DCLK1: variants seen among roughly 807,000 people sequenced by gnomAD.
The protein encoded by DCLK1 is serine/threonine-protein kinase DCLK1.
Under a neutral mutation model 86.2 loss-of-function variants are expected in DCLK1, and 16 were observed. The observed-to-expected ratio is 0.19, with a 90% CI of 0.13 to 0.28. The LOEUF is 0.28. Among genes scored for constraint, DCLK1 ranks in the 10% least tolerant of loss-of-function variants. DCLK1 has a pLI of 1.00. For synonymous variants in DCLK1, 369 were observed against 370.5 expected (o/e 1.00, Z 0.05); for missense variants, 590 against 940.2 (o/e 0.63, Z 4.87).
At chr13:36,114,737 A>T (rs1885722688) in intron 2 of DCLK1, among the ~76,000 whole-genome samples, 1 of 152,196 alleles carries the variant, frequency 6.6e-6, no homozygotes, top group Non-Finnish European at 1.5e-5. Flanking sequence ...AGTTAAATTA[A>T]AGTTGGTTGT....
intron 4 of DCLK1, among the ~76,000 whole-genome samples, chr13:35,885,149 A>G (rs1031830315): frequency 6.6e-6 from 1 of 152,168 alleles, no homozygotes; most frequent in Non-Finnish European, 1.5e-5. Context: ...TCCACCAGGA[A>G]TGAGGTATCT....
intron 4 of DCLK1, among the ~76,000 whole-genome samples, chr13:35,886,317 T>C (rs1873239865): frequency 2.0e-5 from 3 of 152,016 alleles, no homozygotes; most frequent in African/African-American, 4.8e-5. Flanking sequence ...GGCGAATAGG[T>C]TCTTAAGAAA....
At chr13:35,966,584 C>G (rs1333377187) in intron 3 of DCLK1, among the ~76,000 whole-genome samples, 3 of 146,930 alleles carry the variant, frequency 2.0e-5, no homozygotes, top group Non-Finnish European at 4.5e-5. Context: ...GCCGCCATCT[C>G]GACTCACTGC....
chr13:36,065,630 C>A (rs981293317), intron 3 of DCLK1, among the ~76,000 whole-genome samples: 1 of 152,046 alleles, frequency 6.6e-6, no homozygotes, highest in South Asian at 2.1e-4. Context: ...AGGAATTGAA[C>A]CTAACCCTGA....
intron 3 of DCLK1, among the ~76,000 whole-genome samples, chr13:36,091,374 TA>T (rs1226695198): frequency 2.6e-5 from 4 of 152,280 alleles, no homozygotes; most frequent in African/African-American, 9.6e-5. Flanking sequence ...TAAAAAAATT[TA>T]AAAAATAATA....
intron 3 of DCLK1, among the ~76,000 whole-genome samples, chr13:36,093,747 A>AT (rs1884913586): frequency 6.6e-6 from 1 of 151,994 alleles, no homozygotes; most frequent in Admixed American, 6.6e-5. Flanking sequence ...TAATTTTGAC[A>AT]TTTTTTAGTG....
intron 3 of DCLK1, among the ~76,000 whole-genome samples, chr13:36,023,869 G>A (rs952732517): frequency 1.3e-5 from 2 of 149,930 alleles, no homozygotes; most frequent in African/African-American, 4.9e-5. Context: ...ACACGATGAA[G>A]ATGTCTGCTC....
In DCLK1 at chr13:36,020,324, T is replaced by TA. The variant is rs535105317; in HGVS notation, c.724-72868dup. 2.0e-4 allele frequency among the ~76,000 whole-genome samples: 30 copies of TA among 152,270 alleles called. No homozygotes were observed. In the East Asian group the frequency reaches 3.9e-3, roughly 20 times the overall value. ...GAACACAATCCTTAGGTCATTGAGTTAAAAAAATATATGATAAAGAAGCAC... is the reference window on the plus strand; with the variant it reads ...GAACACAATCCTTAGGTCATTGAGTTAAAAAAAATATATGATAAAGAAGCAC... On this transcript the variant is annotated intron_variant, in intron 3 of 16. Coordinates refer to ENST00000360631, the MANE Select transcript of DCLK1 (RefSeq NM_001330071.2).
intron 2 of DCLK1, 106 bp downstream of exon 2, chr13:36,125,655 TA>T: frequency 6.9e-7 from 1 of 1,457,152 alleles, no homozygotes. Flanking sequence ...ATCACAGCCA[TA>T]AGGCTGAATG....
rs77186436 is a variant in DCLK1, at chr13:35,814,181, G to C, written c.1555-3213C>G. On this transcript the variant is annotated intron_variant, in intron 11 of 16. Transcript: ENST00000360631. ...TACTGAGCCAGTTACACAGGGGCAT[G>C]ACTGAGGCCATGTGAAAATATAATT... Among the ~76,000 whole-genome samples the C allele has an allele frequency of 4.0e-3, 612 of 152,246 alleles. 2 individuals are homozygous for C. The highest frequency in any genetic ancestry group is 0.014 in the African/African-American group (590 of 41,520).
intron 3 of DCLK1, among the ~76,000 whole-genome samples, chr13:36,018,648 T>C (rs1881633087): frequency 6.6e-6 from 1 of 152,206 alleles, no homozygotes. Context: ...TTTATAAGGC[T>C]ACCTATAAAG....
chr13:36,049,997 A>T (rs1883067020), intron 3 of DCLK1, among the ~76,000 whole-genome samples: 1 of 152,164 alleles, frequency 6.6e-6, no homozygotes, highest in South Asian at 2.1e-4. Context: ...CCTCCATGAC[A>T]TCCATAGCTA....
intron 16 of DCLK1, among the ~76,000 whole-genome samples, chr13:35,786,421 T>C (rs2086622215): frequency 6.6e-6 from 1 of 152,208 alleles, no homozygotes; most frequent in Admixed American, 6.5e-5. Flanking sequence ...GGATGGAGCA[T>C]GGTGTGATTC....
At chr13:35,776,547 G>A (rs1297625877) in intron 16 of DCLK1, among the ~76,000 whole-genome samples, 2 of 152,138 alleles carry the variant, frequency 1.3e-5, no homozygotes, top group East Asian at 3.9e-4. Context: ...GTCCATTGCT[G>A]ACCATCCACC....
intron 16 of DCLK1, among the ~76,000 whole-genome samples, chr13:35,779,713 A>G (rs1425036440): frequency 1.3e-5 from 2 of 152,238 alleles, no homozygotes; most frequent in Non-Finnish European, 2.9e-5. Context: ...AAATTCTCTT[A>G]TGAATTCACT....
At chr13:36,081,901 G>A (rs567660325) in intron 3 of DCLK1, among the ~76,000 whole-genome samples, 82 of 152,228 alleles carry the variant, frequency 5.4e-4, no homozygotes, top group Middle Eastern at 3.4e-3. Context: ...TAACAACAAC[G>A]CTATAAGACC....
At chr13:35,972,799 T>C (rs1879136540) in intron 3 of DCLK1, among the ~76,000 whole-genome samples, 1 of 152,156 alleles carries the variant, frequency 6.6e-6, no homozygotes, top group Admixed American at 6.5e-5. Flanking sequence ...TAGACCATCA[T>C]GGCTCAAGCA....
chr13:35,833,135 G>A (rs960637341), intron 8 of DCLK1, among the ~76,000 whole-genome samples: 3 of 152,096 alleles, frequency 2.0e-5, no homozygotes, highest in Admixed American at 1.3e-4. Flanking sequence ...GGTGCCGGTG[G>A]GAGAGACAGA....
chr13:36,001,259 T>C (rs925118502), intron 3 of DCLK1, among the ~76,000 whole-genome samples: 12 of 152,196 alleles, frequency 7.9e-5, no homozygotes, highest in African/African-American at 2.9e-4. Context: ...CATAACTGAT[T>C]CTTTAGGAGC....
Sources: gnomAD v4.1 joint callset for allele counts (sites outside exome capture counted in the v4.1 genomes callset) on GRCh38, gnomAD v4.1.1 for gene constraint, MANE v1.5 for transcripts, NCBI Gene and HGNC (gene_info 2026-07-23, HGNC 2026-07-21) for gene names.